CHRM3: variants seen among roughly 807,000 people sequenced by gnomAD.
CHRM3 encodes cholinergic receptor muscarinic 3.
Under a neutral mutation model 41.8 loss-of-function variants are expected in CHRM3, and 11 were observed. The ratio of observed to expected loss-of-function variants is 0.26; its 90% CI spans 0.17 to 0.44. The LOEUF (loss-of-function observed/expected upper bound fraction) is 0.44. CHRM3 is among the 20% of genes least tolerant of loss of function. CHRM3 has a pLI of 1.00. For missense variants in CHRM3, 571 were observed against 745.4 expected, an observed-to-expected ratio of 0.77 and a Z score of 2.72; for synonymous variants, 297 against 301.4, an observed-to-expected ratio of 0.99 and a Z score of 0.15.
At chr1:239,453,138 G>A (rs894016506) in intron 1 of CHRM3, among the ~76,000 whole-genome samples, 2 of 152,220 alleles carry the variant, frequency 1.3e-5, no homozygotes, top group Admixed American at 1.3e-4. Flanking sequence ...GATGACACGA[G>A]AGACTAGGAG....
chr1:239,846,782 T>C (rs1351953226), intron 6 of CHRM3, among the ~76,000 whole-genome samples: 1 of 152,188 alleles, frequency 6.6e-6, no homozygotes, highest in African/African-American at 2.4e-5. Flanking sequence ...TGAGTTTTTA[T>C]TACGTTACTA....
chr1:239,736,968 A>T (rs1289685096), intron 5 of CHRM3, among the ~76,000 whole-genome samples: 2 of 152,202 alleles, frequency 1.3e-5, no homozygotes, highest in Non-Finnish European at 2.9e-5. Flanking sequence ...ATATTTGTAT[A>T]GAATTACTGC....
intron 1 of CHRM3, among the ~76,000 whole-genome samples, chr1:239,473,420 T>G (rs969649854): frequency 6.6e-6 from 1 of 152,058 alleles, no homozygotes; most frequent in Non-Finnish European, 1.5e-5. Flanking sequence ...AAGAAAAGAA[T>G]AGGCATTTCA....
intron 1 of CHRM3, among the ~76,000 whole-genome samples, chr1:239,488,015 C>T (rs139053331): frequency 3.4e-3 from 517 of 152,130 alleles, no homozygotes; most frequent in African/African-American, 0.012. Context: ...TCAATAAAGA[C>T]GTGAATATTA....
chr1:239,627,194 G>T (rs1308566894), intron 3 of CHRM3, among the ~76,000 whole-genome samples: 1 of 94,274 alleles, frequency 1.1e-5, no homozygotes, highest in African/African-American at 4.2e-5. Context: ...TCCTGTATTG[G>T]GTGCATAAAT....
chr1:239,617,804 T>C (rs1235867300), intron 3 of CHRM3, among the ~76,000 whole-genome samples: 1 of 152,192 alleles, frequency 6.6e-6, no homozygotes, highest in Non-Finnish European at 1.5e-5. Context: ...GGTGTAGAGT[T>C]CCAACATTCA....
In CHRM3 at chr1:239,907,543, C is replaced by T. The variant is rs367791242; in HGVS notation, c.92C>T (p.Pro31Leu). 2.1e-5 allele frequency: 34 copies of T among 1,614,052 alleles called. No individual in the cohort carries two copies. Among genetic ancestry groups the T allele is most frequent in the African/African-American group, 2.7e-5 (2 of 74,912 alleles). ...AGCCCCTCCGATGCAGGGCTGCCCC[C>T]GGGAACCGTCACTCATTTCGGCAGC... ...IHSPSDAGLP[P>L]GTVTHFGSYN... is the part of the protein sequence containing the mutation. Residue 31 changes from proline to leucine, a missense_variant, in exon 7 of 7, where the codon CCG becomes CTG. Physicochemically the swap from Pro to Leu is moderately conservative, Grantham distance 98 (BLOSUM62 -3). Around this residue, in one of 5 missense-constraint regions of CHRM3, gnomAD observed 92 missense variants for 76.1 expected, o/e 1.21. Transcript: ENST00000676153. The surrounding 1 kb of genome is among the most constrained non-coding windows in gnomAD (Gnocchi z 5.4).
In CHRM3 at chr1:239,688,413, A is replaced by G. The variant is rs958832768; in HGVS notation, c.-147+10125A>G. On this transcript the variant is annotated intron_variant, in intron 5 of 6. Transcript: ENST00000676153. ...TAAATATATAAATATAAATATGTAT[A>G]TAAATATATATAAATATATTTACAT... Among the ~76,000 whole-genome samples the G allele has an allele frequency of 6.3e-5, 9 of 143,918 alleles. No homozygotes were observed. The Admixed American group carries it at 6.5e-4, about 10-fold the overall frequency. 94.4% of individuals were successfully genotyped at this position (143,918 alleles called of 152,430 possible).
At chr1:239,830,327 T>C (rs926170616) in intron 6 of CHRM3, among the ~76,000 whole-genome samples, 2 of 152,228 alleles carry the variant, frequency 1.3e-5, no homozygotes, top group African/African-American at 2.4e-5. Flanking sequence ...TCAAAATATG[T>C]GTGACTTAAA....
At chr1:239,818,537 G>A (rs1671780571) in intron 5 of CHRM3, among the ~76,000 whole-genome samples, 1 of 152,166 alleles carries the variant, frequency 6.6e-6, no homozygotes, top group African/African-American at 2.4e-5. Context: ...GCAGTCCATG[G>A]ACTAAGAGCA....
rs12058424 is a variant in CHRM3, at chr1:239,568,716, C to G, written c.-313+22967C>G. Among the ~76,000 whole-genome samples the G allele has an allele frequency of 7.8e-3, 1,181 of 152,058 alleles. 15 individuals carry two copies. Among genetic ancestry groups the G allele is most frequent in the African/African-American group, 0.027 (1,113 of 41,488 alleles). On this transcript the variant is annotated intron_variant, in intron 3 of 6. Transcript: ENST00000676153. ...TCCTCTGCTCTTTTTCCTCAGCCTC[C>G]CCTCTTCTTCCATCATCCATTCTCC...
chr1:239,491,277 A>G (rs1667536680), intron 1 of CHRM3, among the ~76,000 whole-genome samples: 1 of 152,236 alleles, frequency 6.6e-6, no homozygotes, highest in Admixed American at 6.5e-5. Context: ...GCTGTAGAAC[A>G]CTAGAACTTA....
At chr1:239,883,221 C>T (rs1004845889) in intron 6 of CHRM3, among the ~76,000 whole-genome samples, 5 of 152,168 alleles carry the variant, frequency 3.3e-5, no homozygotes, top group African/African-American at 1.2e-4. Context: ...ATCTCTCAGC[C>T]GTGATGTTCC....
chr1:239,761,731 G>C (rs1393213856), intron 5 of CHRM3, among the ~76,000 whole-genome samples: 1 of 152,216 alleles, frequency 6.6e-6, no homozygotes, highest in Non-Finnish European at 1.5e-5. Flanking sequence ...GTGCTCTGCA[G>C]ATTGCTCCTG....
At chr1:239,828,792 G>C (rs1672669524) in intron 6 of CHRM3, among the ~76,000 whole-genome samples, 1 of 152,186 alleles carries the variant, frequency 6.6e-6, no homozygotes, top group Non-Finnish European at 1.5e-5. Context: ...GCTAAGGAAT[G>C]ATGTGATCTG....
rs1558233542 is a variant in CHRM3 at position 239,908,770 on chromosome 1, C to A, written c.1319C>A (p.Thr440Asn). 1 of 1,614,124 alleles carries A rather than the reference C, an allele frequency of 6.2e-7. No homozygotes were observed. The highest frequency in any genetic ancestry group is 8.5e-7 in the Non-Finnish European group (1 of 1,180,020). Residue 440 changes from threonine to asparagine, a missense_variant, in exon 7 of 7, where the codon ACT becomes AAT. By Grantham distance (65) the Thr-to-Asn change is moderately conservative. This residue lies in a region of CHRM3 where 239 missense variants were observed against 239.6 expected (regional missense o/e 1.00). Coordinates refer to ENST00000676153, the MANE Select transcript of CHRM3 (RefSeq NM_001375978.1). The surrounding 1 kb of genome is among the most constrained non-coding windows in gnomAD (Gnocchi z 7.2). ...QLESAVDTAK[T>N]SDVNSSVGKS... is the part of the protein sequence containing the mutation. Reference sequence around the variant, plus strand: ...GAGTCAGCCGTGGACACAGCTAAGACTTCTGACGTCAACTCCTCAGTGGGT... The same window carrying A: ...GAGTCAGCCGTGGACACAGCTAAGAATTCTGACGTCAACTCCTCAGTGGGT...
intron 1 of CHRM3, among the ~76,000 whole-genome samples, chr1:239,480,379 T>C (rs1282285794): frequency 6.6e-6 from 1 of 152,124 alleles, no homozygotes; most frequent in Non-Finnish European, 1.5e-5. Flanking sequence ...AGATTGTATA[T>C]AATGGTGTAC....
intron 5 of CHRM3, among the ~76,000 whole-genome samples, chr1:239,681,892 CA>C (rs537596290): frequency 1.3e-5 from 2 of 149,892 alleles, no homozygotes; most frequent in East Asian, 2.0e-4. Flanking sequence ...TAACTGGTCT[CA>C]AAAAAAAAGA....
Position 239,662,193 on chromosome 1 carries a change from T to C in CHRM3, c.-249-15993T>C, listed in dbSNP as rs148449469. ...AAAAAAAGTTTGAAAGCTGTCGTTT[T>C]AGAGATTGTTGCAAATACACTTCTT... On this transcript the variant is annotated intron_variant, in intron 4 of 6. Transcript: ENST00000676153. Among the ~76,000 whole-genome samples, 320 of 151,908 alleles carry C rather than the reference T, an allele frequency of 2.1e-3. 1 individual carries two copies. Among genetic ancestry groups the C allele is most frequent in the Middle Eastern group, 6.8e-3 (2 of 294 alleles).
Sources: allele counts gnomAD v4.1 joint callset (sites outside exome capture counted in the v4.1 genomes callset), GRCh38; gene constraint gnomAD v4.1.1; regional missense constraint gnomAD v4.1.1; non-coding constraint Gnocchi (gnomAD v3.1); transcripts MANE v1.5; gene names NCBI Gene and HGNC (gene_info 2026-07-23, HGNC 2026-07-21).